The following GABRG3 variants were observed in gnomAD, a reference collection of about 807,000 sequenced individuals.
GABRG3 encodes gamma-aminobutyric acid receptor subunit gamma-3.
A neutral mutation model predicts 48.8 loss-of-function variants in GABRG3; 25 were observed. The ratio of observed to expected loss-of-function variants is 0.51; its 90% CI spans 0.37 to 0.72. The LOEUF (loss-of-function observed/expected upper bound fraction) is 0.72. Ranked by LOEUF, GABRG3 falls within the 30% of genes least tolerant of loss-of-function variation. The pLI, the probability that GABRG3 is intolerant of heterozygous loss-of-function variation, is 0.00. For missense variants in GABRG3, 394 were observed against 577.9 expected, an observed-to-expected ratio of 0.68 and a Z score of 3.26; for synonymous variants, 227 against 217.6, an observed-to-expected ratio of 1.04 and a Z score of -0.38.
Position 27,179,290 on chromosome 15 carries a change from G to A in GABRG3, c.271-147519G>A, listed in dbSNP as rs562564757. Among the ~76,000 whole-genome samples, 1 of 152,290 alleles carries A rather than the reference G, an allele frequency of 6.6e-6. No homozygotes were observed. Among genetic ancestry groups the A allele is most frequent in the South Asian group, 2.1e-4 (1 of 4,820 alleles). ...GTGGCAATCCACCTTCCCCTCAGGAGCAGCTGTAACAATTTCCCACATGTG... is the reference window on the plus strand; with the variant it reads ...GTGGCAATCCACCTTCCCCTCAGGAACAGCTGTAACAATTTCCCACATGTG... On this transcript the variant is annotated intron_variant, in intron 3 of 9. Transcript: ENST00000615808. This position sits in a 1 kb window ranked among gnomAD's most constrained non-coding sequence, Gnocchi z 4.0.
intron 3 of GABRG3, among the ~76,000 whole-genome samples, chr15:27,237,895 T>C (rs1243436169): frequency 2.6e-5 from 4 of 152,184 alleles, no homozygotes; most frequent in East Asian, 1.9e-4. Flanking sequence ...GTGGATAATA[T>C]GTGTCTGTAA....
At chr15:27,407,456 CT>C (rs1298267917) in intron 5 of GABRG3, among the ~76,000 whole-genome samples, 1 of 152,176 alleles carries the variant, frequency 6.6e-6, no homozygotes, top group Non-Finnish European at 1.5e-5. Context: ...AGTCACACTC[CT>C]TGGTATTTGC....
chr15:27,034,564 A>G (rs1896142446), intron 3 of GABRG3, among the ~76,000 whole-genome samples: 1 of 152,262 alleles, frequency 6.6e-6, no homozygotes, highest in South Asian at 2.1e-4. Context: ...GAGCCACACA[A>G]GCTTTGTGGG....
rs895910254 is a variant in GABRG3 at position 27,227,714 on chromosome 15, AT to A, written c.271-99086del. Reference sequence around the variant, plus strand: ...AAAAAAAAAGAAAACAACCATGGCAATTTTTTTTTATCTACAAAATTTAATT... The same window carrying A: ...AAAAAAAAAGAAAACAACCATGGCAATTTTTTTTATCTACAAAATTTAATT... On this transcript the variant is annotated intron_variant, in intron 3 of 9. Coordinates refer to ENST00000615808, the MANE Select transcript of GABRG3 (RefSeq NM_033223.5). Among the ~76,000 whole-genome samples, 20 of 151,182 alleles carry A rather than the reference AT, an allele frequency of 1.3e-4. No individual in the cohort carries two copies. The East Asian group carries it at 1.8e-3, about 13-fold the overall frequency.
intron 3 of GABRG3, among the ~76,000 whole-genome samples, chr15:27,033,291 G>A (rs1240841254): frequency 6.6e-6 from 1 of 152,056 alleles, no homozygotes; most frequent in African/African-American, 2.4e-5. Context: ...TGCTGCCTCT[G>A]TTTTGGCTTC....
intron 3 of GABRG3, among the ~76,000 whole-genome samples, chr15:27,156,589 T>A (rs4887561): frequency 0.21 from 32,164 of 152,144 alleles, 4,120 homozygotes; most frequent in African/African-American, 0.35. Flanking sequence ...ACATGTAATA[T>A]CCAGGGATTT....
intron 3 of GABRG3, among the ~76,000 whole-genome samples, chr15:27,202,413 T>C (rs566851331): frequency 3.3e-5 from 5 of 152,358 alleles, no homozygotes; most frequent in African/African-American, 1.2e-4. Flanking sequence ...GTCTGTATTA[T>C]ATTATGTGTC....
rs1566796999 is a variant in GABRG3, at chr15:27,346,066, AGAG to A, written c.574+17179_574+17181del. ...GAGACTCCCTCTCNAAAANNAAAAAAGAGAGAGAAAGAAGAGAGAGAAAGAAAG... is the reference window on the plus strand; with the variant it reads ...GAGACTCCCTCTCNAAAANNAAAAAAAGAGAAAGAAGAGAGAGAAAGAAAG... On this transcript the variant is annotated intron_variant, in intron 5 of 9. Coordinates refer to ENST00000615808, the MANE Select transcript of GABRG3 (RefSeq NM_033223.5). Among the ~76,000 whole-genome samples the A allele has an allele frequency of 4.0e-5, 4 of 100,902 alleles. 1 individual carries two copies. The highest frequency in any genetic ancestry group is 3.6e-5 in the Non-Finnish European group (2 of 55,162). The allele number at this position is 100,902 out of a possible 152,430, so 66.2% of individuals were successfully genotyped here.
intron 6 of GABRG3, among the ~76,000 whole-genome samples, chr15:27,509,266 A>AT (rs2150857701): frequency 6.6e-6 from 1 of 152,250 alleles, no homozygotes; most frequent in African/African-American, 2.4e-5. Flanking sequence ...TGCTTCCAAA[A>AT]TGTTCCCTTT....
intron 5 of GABRG3, among the ~76,000 whole-genome samples, chr15:27,334,613 G>A (rs952896567): frequency 6.6e-6 from 1 of 152,134 alleles, no homozygotes; most frequent in African/African-American, 2.4e-5. Context: ...TCTTTAAAAT[G>A]CTATGGTATG....
intron 3 of GABRG3, among the ~76,000 whole-genome samples, chr15:27,118,422 A>G (rs1428382987): frequency 6.6e-6 from 1 of 152,200 alleles, no homozygotes; most frequent in Non-Finnish European, 1.5e-5. Flanking sequence ...TTATGTTACT[A>G]ATTCTGATAT....
chr15:27,499,109 A>C (rs916026545), intron 6 of GABRG3, among the ~76,000 whole-genome samples: 5 of 152,188 alleles, frequency 3.3e-5, no homozygotes, highest in African/African-American at 1.2e-4. Flanking sequence ...AACCAACCTC[A>C]TATGCCTTGG....
chr15:27,388,245 GA>G (rs1402881562), intron 5 of GABRG3, among the ~76,000 whole-genome samples: 4 of 29,208 alleles, frequency 1.4e-4, no homozygotes, highest in Non-Finnish European at 1.3e-4. Flanking sequence ...AGGGAGGGAG[GA>G]AAGGAAGGAA....
chr15:27,019,722 A>T (rs2376485), intron 2 of GABRG3, among the ~76,000 whole-genome samples: 9,103 of 152,038 alleles, frequency 0.06, 916 homozygotes, highest in African/African-American at 0.21. Flanking sequence ...GGGACAGATG[A>T]GCCCCCGTTC....
chr15:27,246,648 A>T (rs1890279665), intron 3 of GABRG3, among the ~76,000 whole-genome samples: 2 of 152,176 alleles, frequency 1.3e-5, no homozygotes, highest in Admixed American at 1.3e-4. Flanking sequence ...GTTAAGGGAT[A>T]ACTCTGGCTC....
chr15:27,070,062 A>C (rs1340849182), intron 3 of GABRG3, among the ~76,000 whole-genome samples: 4 of 152,262 alleles, frequency 2.6e-5, no homozygotes, highest in African/African-American at 9.6e-5. Flanking sequence ...TTGTGAAAAA[A>C]ACAGAAAACC....
chr15:27,255,622 G>C (rs1244683687), intron 3 of GABRG3, among the ~76,000 whole-genome samples: 1 of 151,756 alleles, frequency 6.6e-6, no homozygotes, highest in Non-Finnish European at 1.5e-5. Flanking sequence ...TTGATGATCT[G>C]TCCTCACTCT....
intron 3 of GABRG3, among the ~76,000 whole-genome samples, chr15:27,098,894 C>T (rs1169861786): frequency 6.6e-6 from 1 of 151,964 alleles, no homozygotes; most frequent in Admixed American, 6.6e-5. Flanking sequence ...AGTCCCTGGT[C>T]ATGACAAAAC....
In GABRG3 at chr15:26,975,987, A is replaced by G. The variant is rs1369489497; in HGVS notation, c.54-1015A>G. Among the ~76,000 whole-genome samples, 1 of 152,220 alleles carries G rather than the reference A, an allele frequency of 6.6e-6. No homozygotes were observed. The highest frequency in any genetic ancestry group is 1.5e-5 in the Non-Finnish European group (1 of 68,032). On this transcript the variant is annotated intron_variant, in intron 1 of 9. Transcript: ENST00000615808. This position sits in a 1 kb window ranked among gnomAD's most constrained non-coding sequence, Gnocchi z 4.6. ...GGAAATGCTGCTTTAAGGCAGAAAG[A>G]GACTGTCTGCTCTCCAAGCCCAAAT...
Sources: allele counts gnomAD v4.1 joint callset (sites outside exome capture counted in the v4.1 genomes callset), GRCh38; gene constraint gnomAD v4.1.1; non-coding constraint Gnocchi (gnomAD v3.1); transcripts MANE v1.5; gene names NCBI Gene and HGNC (gene_info 2026-07-23, HGNC 2026-07-21).